The following NTF3 variants were observed in gnomAD, a reference collection of about 807,000 sequenced individuals.
The protein encoded by NTF3 is neurotrophin 3, also known as neurotrophin-3.
A neutral mutation model predicts 26.3 loss-of-function variants in NTF3; 8 were observed. The observed-to-expected ratio is 0.30, with a 90% CI of 0.18 to 0.55. The LOEUF is 0.55. Among genes scored for constraint, NTF3 ranks in the 20% least tolerant of loss-of-function variants. The pLI is 0.93. For missense variants in NTF3, 276 were observed against 352.9 expected, an observed-to-expected ratio of 0.78 and a Z score of 1.75; for synonymous variants, 154 against 145.5, an observed-to-expected ratio of 1.06 and a Z score of -0.42.
chr12:5,440,076 T>C (rs1940218604), intron 1 of NTF3, among the ~76,000 whole-genome samples: 1 of 152,204 alleles, frequency 6.6e-6, no homozygotes, highest in Admixed American at 6.5e-5. Flanking sequence ...GATGTTGCCC[T>C]GTTTGAAGAT....
chr12:5,484,474 G>T (rs1439885337), intron 1 of NTF3, among the ~76,000 whole-genome samples: 1 of 152,128 alleles, frequency 6.6e-6, no homozygotes, highest in Non-Finnish European at 1.5e-5. Context: ...GGGACACTAG[G>T]ATGATTTTTA....
In NTF3 at chr12:5,433,388, A is replaced by T. The variant is rs1362232258; in HGVS notation, c.18+1046A>T. On this transcript the variant is annotated intron_variant, in intron 1 of 1. Transcript: ENST00000423158. This position sits in a 1 kb window ranked among gnomAD's most constrained non-coding sequence, Gnocchi z 4.6. ...AACTGTCCCATTGCCCCAGAGCTTT[A>T]CTCAGTGGTGGATGCTCCTGATGAA... 1 of 152,298 alleles carries T rather than the reference A, an allele frequency of 6.6e-6. No homozygotes were observed. 9.4% of individuals were successfully genotyped at this position (152,298 alleles called of 1,614,324 possible). A position where few individuals can be genotyped will look rare whatever the true frequency, so the allele number is the denominator to read the frequency against.
intron 1 of NTF3, among the ~76,000 whole-genome samples, chr12:5,455,814 C>T (rs934609366): frequency 6.6e-6 from 1 of 152,120 alleles, no homozygotes; most frequent in Non-Finnish European, 1.5e-5. Flanking sequence ...CTGGCTCTAT[C>T]CTTCTTTTGG....
chr12:5,473,851 C>T (rs1250538340), intron 1 of NTF3, among the ~76,000 whole-genome samples: 1 of 152,246 alleles, frequency 6.6e-6, no homozygotes, highest in Non-Finnish European at 1.5e-5. Flanking sequence ...TTTGCAGTTG[C>T]TGACATGCAG....
chr12:5,487,513 G>A (rs1940881149), intron 1 of NTF3, among the ~76,000 whole-genome samples: 1 of 152,206 alleles, frequency 6.6e-6, no homozygotes, highest in South Asian at 2.1e-4. Flanking sequence ...GTCTTCTGAG[G>A]TTCTCTGTTT....
intron 1 of NTF3, among the ~76,000 whole-genome samples, chr12:5,484,937 A>G (rs10849276): frequency 0.43 from 65,975 of 152,008 alleles, 14,381 homozygotes; most frequent in South Asian, 0.51. Context: ...TGTGCCAAGA[A>G]CCTACATTAT....
intron 1 of NTF3, among the ~76,000 whole-genome samples, chr12:5,434,104 G>A (rs1940136172): frequency 6.6e-6 from 1 of 152,130 alleles, no homozygotes; most frequent in Admixed American, 6.5e-5. Flanking sequence ...GTTCTCCAGC[G>A]TACTCAGCCT....
intron 1 of NTF3, among the ~76,000 whole-genome samples, chr12:5,491,159 C>T (rs118020824): frequency 0.016 from 2,384 of 152,318 alleles, 29 homozygotes; most frequent in Non-Finnish European, 0.023. Context: ...CACTTCACCA[C>T]AACTGCAGGC....
intron 1 of NTF3, among the ~76,000 whole-genome samples, chr12:5,478,830 C>T (rs1420694175): frequency 2.6e-5 from 4 of 152,214 alleles, no homozygotes; most frequent in Non-Finnish European, 2.9e-5. Flanking sequence ...TTCAGCTCAT[C>T]GGGTCCTCAT....
At chr12:5,467,555 TG>T (rs1227219694) in intron 1 of NTF3, among the ~76,000 whole-genome samples, 2 of 152,318 alleles carry the variant, frequency 1.3e-5, no homozygotes, top group East Asian at 3.9e-4. Flanking sequence ...GTTACAAATT[TG>T]TTACAAAAGC....
chr12:5,490,870 G>C (rs964689721), intron 1 of NTF3, among the ~76,000 whole-genome samples: 1 of 152,212 alleles, frequency 6.6e-6, no homozygotes, highest in African/African-American at 2.4e-5. Context: ...CAGATGTAGA[G>C]GAGGGAGCTC....
intron 1 of NTF3, among the ~76,000 whole-genome samples, chr12:5,475,999 C>A (rs1940719730): frequency 6.6e-6 from 1 of 152,034 alleles, no homozygotes; most frequent in East Asian, 1.9e-4. Context: ...GGGATGGAGG[C>A]CCTGATGGAA....
chr12:5,432,846 G>T (rs987765434), intron 1 of NTF3, among the ~76,000 whole-genome samples: 2 of 151,916 alleles, frequency 1.3e-5, no homozygotes, highest in East Asian at 3.9e-4. Context: ...ATAACAAAAG[G>T]GGGTGGCAGA....
At chr12:5,435,108 G>A (rs1036429019) in intron 1 of NTF3, among the ~76,000 whole-genome samples, 48 of 152,214 alleles carry the variant, frequency 3.2e-4, no homozygotes, top group Non-Finnish European at 4.8e-4. Context: ...TTGGCACTGG[G>A]TGGGAACAGG....
intron 1 of NTF3, among the ~76,000 whole-genome samples, chr12:5,462,448 T>C (rs1404204289): frequency 6.6e-6 from 1 of 152,212 alleles, no homozygotes; most frequent in Non-Finnish European, 1.5e-5. Flanking sequence ...CCACAGAGGC[T>C]CGAGGTAAGG....
At chr12:5,434,991 G>A (rs190388129) in intron 1 of NTF3, among the ~76,000 whole-genome samples, 68 of 152,122 alleles carry the variant, frequency 4.5e-4, no homozygotes, top group African/African-American at 1.2e-3. Flanking sequence ...GAAGGACACC[G>A]GGTTGGTGTT....
At chr12:5,470,049 T>C (rs1940645056) in intron 1 of NTF3, among the ~76,000 whole-genome samples, 1 of 152,278 alleles carries the variant, frequency 6.6e-6, no homozygotes, top group South Asian at 2.1e-4. Context: ...CTCAGCCTCC[T>C]GAGTAGCTGG....
intron 1 of NTF3, among the ~76,000 whole-genome samples, chr12:5,438,484 C>T (rs1353458009): frequency 6.6e-6 from 1 of 152,188 alleles, no homozygotes; most frequent in East Asian, 1.9e-4. Flanking sequence ...CAGATTTTGA[C>T]GTGAAATTTC....
chr12:5,494,385 A>G lies in NTF3; in HGVS notation c.210A>G (p.Glu70=). 2 of 1,614,020 alleles carry G rather than the reference A, an allele frequency of 1.2e-6. No individual in the cohort carries two copies. The highest frequency in any genetic ancestry group is 2.2e-5 in the South Asian group (2 of 91,068). The stretch of plus-strand genomic sequence containing the variant: ...CCAAGCAGATGGTGGACGTTAAGGA[A>G]AATTACCAGAGCACCCTGCCCAAAG... ...KLSKQMVDVK[E]NYQSTLPKAE... The change falls in exon 2 of 2, where the codon GAA becomes GAG. Residue 70 remains glutamate (E), a synonymous_variant. Coordinates refer to ENST00000423158, the MANE Select transcript of NTF3 (RefSeq NM_001102654.2). The surrounding 1 kb of genome is among the most constrained non-coding windows in gnomAD (Gnocchi z 8.3).
Sources: gnomAD v4.1 joint callset for allele counts (sites outside exome capture counted in the v4.1 genomes callset) on GRCh38, gnomAD v4.1.1 for gene constraint, Gnocchi (gnomAD v3.1) non-coding constraint, MANE v1.5 for transcripts, NCBI Gene and HGNC (gene_info 2026-07-23, HGNC 2026-07-21) for gene names.